ACSL5: variants seen among roughly 807,000 people sequenced by gnomAD.
The protein encoded by ACSL5 is long-chain-fatty-acid--CoA ligase 5.
In ACSL5, 50 loss-of-function variants were observed where a neutral mutation model predicts 84.9. The observed-to-expected ratio is 0.59, with a 90% CI of 0.47 to 0.75. ACSL5 has a LOEUF of 0.75. ACSL5 is among the 30% of genes least tolerant of loss of function. The pLI, the probability that ACSL5 is intolerant of heterozygous loss-of-function variation, is 0.00. For missense variants in ACSL5, 775 were observed against 830.4 expected (o/e 0.93, Z 0.82); for synonymous variants, 280 against 300.7 (o/e 0.93, Z 0.71).
intron 1 of ACSL5, among the ~76,000 whole-genome samples, chr10:112,389,212 C>T (rs1385146964): frequency 2.0e-5 from 3 of 152,092 alleles, no homozygotes; most frequent in African/African-American, 7.2e-5. Context: ...CAAGAATGGT[C>T]CAGGAAGCAT....
intron 13 of ACSL5, 86 bp downstream of exon 13, chr10:112,417,108 G>A (rs1018764567): frequency 6.9e-7 from 1 of 1,458,948 alleles, no homozygotes; most frequent in South Asian, 1.3e-5. Flanking sequence ...TCTGCTGCTT[G>A]AGCGTCACTT....
chr10:112,388,946 T>TG (rs1460958749), intron 1 of ACSL5, among the ~76,000 whole-genome samples: 1 of 151,914 alleles, frequency 6.6e-6, no homozygotes, highest in African/African-American at 2.4e-5. Context: ...AGGGTTTGAG[T>TG]GGGATATATA....
intron 5 of ACSL5, among the ~76,000 whole-genome samples, 160 bp downstream of exon 5, chr10:112,404,966 A>G (rs939012403): frequency 4.6e-5 from 7 of 152,222 alleles, no homozygotes; most frequent in Admixed American, 3.9e-4. Flanking sequence ...TACCACTCAG[A>G]ACCTATTTAA....
intron 7 of ACSL5, 124 bp from the exon 8 acceptor site, chr10:112,410,339 G>A: frequency 6.4e-7 from 1 of 1,558,724 alleles, no homozygotes; most frequent in Non-Finnish European, 8.7e-7. Flanking sequence ...TCCTGATCCA[G>A]GTTGGAATTT....
chr10:112,415,587 C>A (rs752490745), intron 12 of ACSL5, among the ~76,000 whole-genome samples: 10 of 152,278 alleles, frequency 6.6e-5, no homozygotes, highest in Non-Finnish European at 1.3e-4. Context: ...ATGCAGGAAG[C>A]ATTTGAGCAT....
chr10:112,374,686 G>A (rs1243926778), intron 1 of ACSL5, among the ~76,000 whole-genome samples: 1 of 152,202 alleles, frequency 6.6e-6, no homozygotes, highest in Non-Finnish European at 1.5e-5. Context: ...GCAGATATTC[G>A]ATTAGGTGCT....
intron 3 of ACSL5, among the ~76,000 whole-genome samples, chr10:112,400,406 C>CTTTTTTTTT (rs573644087): frequency 1.5e-4 from 15 of 98,864 alleles, no homozygotes; most frequent in African/African-American, 2.4e-4. Flanking sequence ...TTTTTCTTTT[C>CTTTTTTTTT]TTTTTTTTTT....
chr10:112,427,014 G>C (rs184907357), intron 20 of ACSL5, among the ~76,000 whole-genome samples, 155 bp downstream of exon 20: 1 of 152,046 alleles, frequency 6.6e-6, no homozygotes, highest in African/African-American at 2.4e-5. Context: ...CTTGTACAGC[G>C]CCCTTTTTTT....
Position 112,427,290 on chromosome 10 carries a change from A to T in ACSL5, c.1984A>T (p.Lys662Ter). Residue 662 changes from lysine (K) to a stop codon, truncating the protein, a stop_gained, in exon 21 of 21, where the codon AAG becomes TAG. Transcript: ENST00000354655. LOFTEE classifies it high-confidence loss of function. ...NGLLTPTLKA[K>*]RGELSKYFRT... The stretch of plus-strand genomic sequence containing the variant: ...GCTCTTGACACCAACATTGAAAGCA[A>T]AGCGAGGAGAGCTTTCCAAATACTT... 6.2e-7 allele frequency: 1 copy of T among 1,613,970 alleles called. No individual in the cohort carries two copies. The highest frequency in any genetic ancestry group is 1.1e-5 in the South Asian group (1 of 91,028).
intron 1 of ACSL5, among the ~76,000 whole-genome samples, chr10:112,378,895 TTGGAAGGTCAGACAGCCCG>T (rs74392678): frequency 0.087 from 13,187 of 152,236 alleles, 686 homozygotes; most frequent in Non-Finnish European, 0.11. Flanking sequence ...GATCTGGAGT[TTGGAAGGTCAGACAGCCCG>T]TGCAATGCTG....
At chr10:112,406,041 G>T (rs905350954) in intron 5 of ACSL5, 1 of 151,836 alleles carries the variant, frequency 6.6e-6, no homozygotes, top group African/African-American at 2.4e-5. Context: ...GGAAATATAG[G>T]CACCCTCAAT....
In ACSL5 at chr10:112,428,216, A is replaced by G. The variant is rs1844814359; in HGVS notation, c.*858A>G. 1 of 374,606 alleles carries G rather than the reference A, an allele frequency of 2.7e-6. No individual in the cohort carries two copies. Among genetic ancestry groups the G allele is most frequent in the African/African-American group, 2.1e-5 (1 of 48,130 alleles). 23.2% of individuals were successfully genotyped at this position (374,606 alleles called of 1,614,324 possible). On this transcript the variant is annotated 3_prime_UTR_variant, in exon 21 of 21. Transcript: ENST00000354655. ...CCTCCTGAACTGGGAACAAAGATCT[A>G]CAGGCAAGCAAGATGCCCACACAAC...
chr10:112,416,973 T>TC lies in ACSL5; in HGVS notation c.1170dup (p.Ile391HisfsTer4). 6.2e-7 allele frequency: 1 copy of TC among 1,614,052 alleles called. No individual in the cohort carries two copies. The highest frequency in any genetic ancestry group is 8.5e-7 in the Non-Finnish European group (1 of 1,179,990). On this transcript the variant is annotated frameshift_variant, in exon 13 of 21. Coordinates refer to ENST00000354655, the MANE Select transcript of ACSL5 (RefSeq NM_203379.2). LOFTEE classifies it high-confidence loss of function. Reference sequence around the variant, plus strand: ...AAATTCAAAGAGCTTCAAAAGGGTATCATCAGGCATGATAGTTTCTGGGAC... The same window carrying TC: ...AAATTCAAAGAGCTTCAAAAGGGTATCCATCAGGCATGATAGTTTCTGGGAC...
At chr10:112,420,500 A>C (rs1421258996) in intron 14 of ACSL5, among the ~76,000 whole-genome samples, 1 of 152,178 alleles carries the variant, frequency 6.6e-6, no homozygotes, top group Admixed American at 6.5e-5. Context: ...AGTGGAAAAT[A>C]TTTACTATCT....
At chr10:112,426,487 C>T in intron 19 of ACSL5, 128 bp downstream of exon 19, 5 of 731,844 alleles carry the variant, frequency 6.8e-6, no homozygotes, top group East Asian at 2.6e-5. Context: ...TTATGGGACT[C>T]GGGGATAGGA....
intron 3 of ACSL5, among the ~76,000 whole-genome samples, chr10:112,399,345 T>A (rs956652734): frequency 6.6e-6 from 1 of 152,212 alleles, no homozygotes; most frequent in African/African-American, 2.4e-5. Flanking sequence ...TATAGGACAG[T>A]ATCTTTAACT....
chr10:112,390,748 C>T (rs1026060735), intron 1 of ACSL5, among the ~76,000 whole-genome samples: 7 of 152,000 alleles, frequency 4.6e-5, no homozygotes, highest in African/African-American at 9.7e-5. Flanking sequence ...TAAAAAGAAA[C>T]GAAGTACAGA....
In ACSL5 at chr10:112,404,766, C is replaced by G; in HGVS notation, c.392C>G (p.Pro131Arg). Residue 131 changes from proline (P) to arginine (R), a missense_variant, in exon 5 of 21, where the codon CCA (proline) becomes CGA (arginine). Pro to Arg is a moderately radical substitution (Grantham distance 103, BLOSUM62 -2). Transcript: ENST00000354655. ...TTGCATAAAGGTTATAAATCATCAC[C>G]AGACCAGTTTGTCGGCATCTTTGCT... The part of the protein sequence containing the change: ...CLLHKGYKSS[P>R]DQFVGIFAQN... 6.2e-7 allele frequency: 1 copy of G among 1,614,004 alleles called. No homozygotes were observed. The highest frequency in any genetic ancestry group is 8.5e-7 in the Non-Finnish European group (1 of 1,179,952).
chr10:112,413,030 A>G, intron 11 of ACSL5, 143 bp from the exon 12 acceptor site: 1 of 803,166 alleles, frequency 1.2e-6, no homozygotes, highest in East Asian at 2.5e-5. Context: ...TGTGTGCCTC[A>G]GCCCACTTCC....
Sources: allele counts gnomAD v4.1 joint callset (sites outside exome capture counted in the v4.1 genomes callset), GRCh38; gene constraint gnomAD v4.1.1; transcripts MANE v1.5; gene names NCBI Gene and HGNC (gene_info 2026-07-23, HGNC 2026-07-21).